The following ACBD6 variants were observed in gnomAD, a reference collection of about 807,000 sequenced individuals.
The protein encoded by ACBD6 is acyl-CoA binding domain containing 6.
Under a neutral mutation model 37.2 loss-of-function variants are expected in ACBD6, and 28 were observed. The ratio of observed to expected loss-of-function variants is 0.75; its 90% CI spans 0.56 to 1.03. ACBD6 has a LOEUF of 1.03. Ranked by LOEUF, ACBD6 falls within the 50% of genes least tolerant of loss-of-function variation. ACBD6 has a pLI of 0.00. For synonymous variants in ACBD6, 113 were observed against 126.8 expected (o/e 0.89, Z 0.73); for missense variants, 340 against 337.4 (o/e 1.01, Z -0.06).
intron 6 of ACBD6, among the ~76,000 whole-genome samples, chr1:180,317,764 C>T (rs557852645): frequency 6.6e-6 from 1 of 152,250 alleles, no homozygotes; most frequent in East Asian, 1.9e-4. Context: ...ATCTTTTTGT[C>T]ACTTGTAAAC....
At chr1:180,362,854 A>G (rs545346625) in intron 6 of ACBD6, among the ~76,000 whole-genome samples, 2 of 152,250 alleles carry the variant, frequency 1.3e-5, no homozygotes, top group African/African-American at 2.4e-5. Flanking sequence ...TGAATATTTA[A>G]TCATTACAAA....
At position 180,413,248 on chromosome 1, in the gene ACBD6, T is replaced by C. The variant is rs375486901; in HGVS notation, c.573+118A>G. The stretch of plus-strand genomic sequence containing the variant: ...ACACCATCTCATTTAGATATTCTGA[T>C]ATACTCTTAACCATACTGTACTTTG... On this transcript the variant is annotated intron_variant, in intron 5 of 7. Transcript: ENST00000367595. 6.4e-5 allele frequency: 49 copies of C among 764,188 alleles called. No individual in the cohort carries two copies. The South Asian group carries it at 6.7e-4, about 11-fold the overall frequency. 47.3% of individuals were successfully genotyped at this position (764,188 alleles called of 1,614,324 possible).
At chr1:180,274,869 C>A in exon 10 of ACBD6, 1 of 320,430 alleles carries the variant, frequency 3.1e-6, no homozygotes. Context: ...TGCTTAGGGG[C>A]TTGGCTGCTC....
chr1:180,324,399 A>G (rs905690258), intron 6 of ACBD6, among the ~76,000 whole-genome samples: 1 of 151,920 alleles, frequency 6.6e-6, no homozygotes, highest in African/African-American at 2.4e-5. Context: ...ATTTGAGGTT[A>G]TCATGAGGCT....
At chr1:180,276,101 T>G (rs1358197415) in intron 9 of ACBD6, 1 of 152,242 alleles carries the variant, frequency 6.6e-6, no homozygotes, top group Non-Finnish European at 1.5e-5. Flanking sequence ...TGTGTTTGCT[T>G]CTTCTGGCCT....
At chr1:180,466,990 G>T (rs1208662116) in intron 3 of ACBD6, among the ~76,000 whole-genome samples, 3 of 151,944 alleles carry the variant, frequency 2.0e-5, no homozygotes, top group Non-Finnish European at 4.4e-5. Context: ...GTTCCTATAT[G>T]ATCCCCAAAG....
intron 1 of ACBD6, among the ~76,000 whole-genome samples, chr1:180,499,097 TCTCC>T (rs1029789274): frequency 2.6e-5 from 4 of 152,136 alleles, no homozygotes; most frequent in Non-Finnish European, 5.9e-5. Flanking sequence ...AGTTTAGAGT[TCTCC>T]CTGAGAAAAT....
intron 3 of ACBD6, among the ~76,000 whole-genome samples, chr1:180,474,141 A>C (rs1353517919): frequency 6.6e-6 from 1 of 152,230 alleles, no homozygotes; most frequent in East Asian, 1.9e-4. Flanking sequence ...ATTCATTTAC[A>C]ATTTCCAATT....
At chr1:180,412,030 C>T (rs185003847) in intron 5 of ACBD6, among the ~76,000 whole-genome samples, 120 of 150,322 alleles carry the variant, frequency 8.0e-4, no homozygotes, top group Middle Eastern at 3.4e-3. Context: ...CGCTTTATTG[C>T]GATAGTCACT....
chr1:180,415,944 G>T (rs147271310), intron 4 of ACBD6, among the ~76,000 whole-genome samples: 1 of 151,986 alleles, frequency 6.6e-6, no homozygotes, highest in Non-Finnish European at 1.5e-5. Context: ...TTTGTTTATC[G>T]TATATAGTTT....
At chr1:180,347,356 G>C (rs1352198939) in intron 6 of ACBD6, among the ~76,000 whole-genome samples, 6 of 110,898 alleles carry the variant, frequency 5.4e-5, no homozygotes, top group Non-Finnish European at 1.7e-5. Flanking sequence ...TTTTTCAACA[G>C]AAAGTTTTTT....
At chr1:180,383,103 G>A (rs544896639) in intron 6 of ACBD6, among the ~76,000 whole-genome samples, 2 of 152,244 alleles carry the variant, frequency 1.3e-5, no homozygotes, top group East Asian at 3.9e-4. Context: ...GGGAAAAATC[G>A]GAAAACCTTT....
intron 6 of ACBD6, among the ~76,000 whole-genome samples, chr1:180,384,329 A>T (rs1285871677): frequency 6.6e-6 from 1 of 152,192 alleles, no homozygotes; most frequent in Non-Finnish European, 1.5e-5. Context: ...TAATCCTATT[A>T]AAAAATGAGT....
chr1:180,480,831 G>C (rs1185095159), intron 3 of ACBD6, among the ~76,000 whole-genome samples: 1 of 152,146 alleles, frequency 6.6e-6, no homozygotes, highest in South Asian at 2.1e-4. Context: ...AGGAGTTCGA[G>C]ACCAGCCTAA....
chr1:180,350,034 T>G (rs1652349372), intron 6 of ACBD6, among the ~76,000 whole-genome samples: 1 of 149,664 alleles, frequency 6.7e-6, no homozygotes, highest in Admixed American at 6.6e-5. Context: ...TTTTTTTTTT[T>G]TTTTTTTTTT....
At chr1:180,315,198 A>C (rs1241736519) in intron 6 of ACBD6, among the ~76,000 whole-genome samples, 2 of 152,174 alleles carry the variant, frequency 1.3e-5, no homozygotes, top group African/African-American at 2.4e-5. Context: ...CGGGTTTCAT[A>C]ACCAGATCAA....
intron 6 of ACBD6, among the ~76,000 whole-genome samples, chr1:180,336,206 T>C (rs370765999): frequency 0.063 from 9,438 of 148,840 alleles, 757 homozygotes; most frequent in East Asian, 0.29. Flanking sequence ...CAACAGAATA[T>C]ACATTCCTCT....
exon 14 of ACBD6, chr1:180,271,292 G>A: frequency 6.8e-7 from 1 of 1,463,502 alleles, no homozygotes; most frequent in Non-Finnish European, 9.6e-7. Context: ...GCAGGCTTAG[G>A]TGCAGAAAGG....
intron 7 of ACBD6, among the ~76,000 whole-genome samples, chr1:180,307,325 ATAGAGAG>A (rs1396995966): frequency 6.6e-6 from 1 of 152,162 alleles, no homozygotes; most frequent in Admixed American, 6.5e-5. Flanking sequence ...AGCTACATAG[ATAGAGAG>A]TAGAGGGATG....
Sources: allele counts gnomAD v4.1 joint callset (sites outside exome capture counted in the v4.1 genomes callset), GRCh38; gene constraint gnomAD v4.1.1; transcripts MANE v1.5; gene names NCBI Gene and HGNC (gene_info 2026-07-23, HGNC 2026-07-21).